Variants in BCL11A observed in about 807,000 individuals in gnomAD.
The protein encoded by BCL11A is BCL11 transcription factor A.
Under a neutral mutation model 55.9 loss-of-function variants are expected in BCL11A, and 2 were observed. The observed-to-expected ratio is 0.04, with a 90% CI of 0.01 to 0.11. The LOEUF is 0.11. BCL11A is among the 10% of genes least tolerant of loss of function. BCL11A has a pLI of 1.00. For missense variants in BCL11A, 817 were observed against 1,137.1 expected (o/e 0.72, Z 4.05); for synonymous variants, 465 against 473.4 (o/e 0.98, Z 0.23).
intron 3 of BCL11A, among the ~76,000 whole-genome samples, chr2:60,468,312 C>G (rs2103980576): frequency 6.6e-6 from 1 of 152,252 alleles, no homozygotes; most frequent in South Asian, 2.1e-4. Context: ...TGGAATAACT[C>G]TGGAATAACC....
In BCL11A at chr2:60,457,895, C is replaced by T; in HGVS notation, c.*2509G>A. The T allele has an allele frequency of 9.5e-7, 1 of 1,049,362 alleles. No individual in the cohort carries two copies. Among genetic ancestry groups the T allele is most frequent in the Non-Finnish European group, 1.2e-6 (1 of 869,232 alleles). 65.0% of individuals were successfully genotyped at this position (1,049,362 alleles called of 1,614,324 possible). A position where few individuals can be genotyped will look rare whatever the true frequency, so the allele number is the denominator to read the frequency against. ...ATCCATGTGACATTCTAGCAGGCTC[C>T]CCCAAACCGCCATTATATGGCTTCT... is the stretch of plus-strand genomic sequence containing the variant. On this transcript the variant is annotated 3_prime_UTR_variant, in exon 4 of 4. Transcript: ENST00000642384.
intron 2 of BCL11A, among the ~76,000 whole-genome samples, chr2:60,470,839 A>G (rs936378078): frequency 2.0e-5 from 3 of 152,108 alleles, no homozygotes; most frequent in Non-Finnish European, 4.4e-5. Context: ...GTTGTAAAAA[A>G]CCCTAGCTAT....
At chr2:60,474,887 A>T (rs1321782013) in intron 2 of BCL11A, among the ~76,000 whole-genome samples, 1 of 152,228 alleles carries the variant, frequency 6.6e-6, no homozygotes, top group African/African-American at 2.4e-5. Context: ...TAAGGCCTGC[A>T]CAGAAATTGC....
intron 2 of BCL11A, 96 bp downstream of exon 2, chr2:60,545,875 G>C: frequency 1.0e-6 from 1 of 994,714 alleles, no homozygotes. Context: ...TAGAGTAATA[G>C]AGAAAGCACT....
intron 2 of BCL11A, chr2:60,524,384 G>C (rs572917259): frequency 6.6e-6 from 1 of 152,278 alleles, no homozygotes; most frequent in Admixed American, 6.5e-5. Flanking sequence ...GGAAAGTAGA[G>C]CCTCTGGGGG....
At chr2:60,453,953 G>T (rs533505916), downstream of BCL11A, among the ~76,000 whole-genome samples, 2 of 152,094 alleles carry the variant, frequency 1.3e-5, no homozygotes, top group Admixed American at 1.3e-4. Context: ...ACAATGACCC[G>T]TGTGAACTGG....
At chr2:60,464,193 G>A (rs1384649155) in intron 3 of BCL11A, among the ~76,000 whole-genome samples, 2 of 152,098 alleles carry the variant, frequency 1.3e-5, no homozygotes, top group Non-Finnish European at 2.9e-5. Flanking sequence ...AAGATTAGAT[G>A]GTAAGATACC....
At chr2:60,495,223 C>T (rs373834824) in intron 2 of BCL11A, among the ~76,000 whole-genome samples, 143 of 152,194 alleles carry the variant, frequency 9.4e-4, no homozygotes, top group African/African-American at 2.9e-3. Flanking sequence ...ACCCCACCCA[C>T]GCCCCCACCC....
intron 2 of BCL11A, among the ~76,000 whole-genome samples, chr2:60,491,663 C>A (rs374398917): frequency 6.7e-6 from 1 of 149,272 alleles, no homozygotes; most frequent in South Asian, 2.2e-4. Context: ...AAGAGTAAAT[C>A]TCCGTCTCAC....
chr2:60,549,581 G>C (rs934558663), intron 1 of BCL11A, among the ~76,000 whole-genome samples: 1 of 152,222 alleles, frequency 6.6e-6, no homozygotes, highest in East Asian at 1.9e-4. Context: ...CTCCCGCCGC[G>C]CTTGCTGCGA....
intron 2 of BCL11A, among the ~76,000 whole-genome samples, chr2:60,514,207 G>A (rs1373201266): frequency 5.3e-5 from 8 of 152,196 alleles, no homozygotes; most frequent in Non-Finnish European, 2.9e-5. Context: ...CCATGTGGTG[G>A]AAACTGGTAG....
chr2:60,518,874 G>A (rs572632828), intron 2 of BCL11A, among the ~76,000 whole-genome samples: 4 of 152,222 alleles, frequency 2.6e-5, no homozygotes, highest in East Asian at 3.9e-4. Flanking sequence ...AGAGGCAGTC[G>A]TTCACCACCA....
intron 1 of BCL11A, chr2:60,550,770 G>A: frequency 2.5e-6 from 1 of 398,806 alleles, no homozygotes; most frequent in Non-Finnish European, 4.4e-6. Flanking sequence ...CCTGGACTGC[G>A]CGCCCCGGTC....
chr2:60,531,196 C>T (rs1052692789), intron 2 of BCL11A, among the ~76,000 whole-genome samples: 10 of 152,052 alleles, frequency 6.6e-5, no homozygotes, highest in Non-Finnish European at 1.2e-4. Flanking sequence ...TACCCTACTC[C>T]GGTCCAGGTT....
chr2:60,515,964 C>A (rs767359919), intron 2 of BCL11A, among the ~76,000 whole-genome samples: 1 of 152,168 alleles, frequency 6.6e-6, no homozygotes, highest in East Asian at 1.9e-4. Flanking sequence ...GGGCCAACAC[C>A]CACGGAGGGG....
At chr2:60,553,143 C>G in intron 1 of BCL11A, 73 bp downstream of exon 1, 1 of 1,487,314 alleles carries the variant, frequency 6.7e-7, no homozygotes, top group African/African-American at 1.4e-5. Context: ...CTCTCTCCCC[C>G]TCGCTTTTGC....
At chr2:60,541,951 A>G in intron 2 of BCL11A, 2 of 697,222 alleles carry the variant, frequency 2.9e-6, no homozygotes, top group East Asian at 5.5e-5. Context: ...AATGGATACA[A>G]AAAGAAAAGG....
chr2:60,481,669 C>A (rs1036254085), intron 2 of BCL11A, among the ~76,000 whole-genome samples: 1 of 152,176 alleles, frequency 6.6e-6, no homozygotes, highest in Non-Finnish European at 1.5e-5. Context: ...ACGCTCCACC[C>A]CCTACATCTT....
chr2:60,498,029 G>C (rs1476843374), intron 2 of BCL11A, among the ~76,000 whole-genome samples: 2 of 151,918 alleles, frequency 1.3e-5, no homozygotes, highest in Non-Finnish European at 2.9e-5. Flanking sequence ...GGGGAGATGA[G>C]GGACCCACCT....
Sources: gnomAD v4.1 joint callset for allele counts (sites outside exome capture counted in the v4.1 genomes callset) on GRCh38, gnomAD v4.1.1 for gene constraint, MANE v1.5 for transcripts, NCBI Gene and HGNC (gene_info 2026-07-23, HGNC 2026-07-21) for gene names.